KAT7: variants seen among roughly 807,000 people sequenced by gnomAD.
KAT7 encodes the protein histone acetyltransferase KAT7.
KAT7 carries 10 observed loss-of-function variants against 82.1 expected under a neutral mutation model. The observed-to-expected ratio is 0.12, with a 90% confidence interval of 0.08 to 0.21. The LOEUF (loss-of-function observed/expected upper bound fraction) is 0.21. Among genes scored for constraint, KAT7 ranks in the 10% least tolerant of loss-of-function variants. KAT7 has a pLI of 1.00. For missense variants in KAT7, 378 were observed against 760.9 expected (o/e 0.50, Z 5.92); for synonymous variants, 250 against 262.5 (o/e 0.95, Z 0.46).
Position 49,833,947 on chromosome 17 carries a change from A to G in KAT7, c.*6445A>G, listed in dbSNP as rs2074443328. On this transcript the variant is annotated 3_prime_UTR_variant, in exon 15 of 15. Transcript: ENST00000259021. ...AGCCAGATGTGCCTAGAGGAAGGCTACCACCTTGTGCAATTCCAGGGGACA... is the reference window on the plus strand; with the variant it reads ...AGCCAGATGTGCCTAGAGGAAGGCTGCCACCTTGTGCAATTCCAGGGGACA... The G allele has an allele frequency of 6.6e-6, 1 of 152,216 alleles. No homozygotes were observed. The highest frequency in any genetic ancestry group is 2.1e-4 in the South Asian group (1 of 4,834). The allele number at this position is 152,216 out of a possible 1,614,324, so 9.4% of individuals were successfully genotyped here. A position where few individuals can be genotyped will look rare whatever the true frequency, so the allele number is the denominator to read the frequency against.
At chr17:49,816,136 G>C (rs983337972) in intron 8 of KAT7, among the ~76,000 whole-genome samples, 1 of 151,872 alleles carries the variant, frequency 6.6e-6, no homozygotes, top group Admixed American at 6.6e-5. Context: ...TTTCCACCTC[G>C]GCTCCCGGAA....
In KAT7 at chr17:49,817,878, C is replaced by G. The variant is rs2074253201; in HGVS notation, c.1022C>G (p.Ala341Gly). Residue 341 changes from alanine (A) to glycine (G), a missense_variant, in exon 9 of 15, where the codon GCT becomes GGT. Transcript: ENST00000259021. Reference sequence around the variant, plus strand: ...GGAAGCAACATGATTAAAACAATTGCTTTTGGCCGCTATGAGCTTGATACC... The same window carrying G: ...GGAAGCAACATGATTAAAACAATTGGTTTTGGCCGCTATGAGCTTGATACC... ...TEGSNMIKTI[A>G]FGRYELDTWY... is the part of the protein sequence containing the mutation. 6.2e-7 allele frequency: 1 copy of G among 1,613,122 alleles called. No homozygotes were observed. The highest frequency in any genetic ancestry group is 1.3e-5 in the African/African-American group (1 of 74,908).
chr17:49,788,757 A>C lies in KAT7; in HGVS notation c.-78A>C. The C allele has an allele frequency of 6.6e-7, 1 of 1,508,512 alleles. No individual in the cohort carries two copies. Among genetic ancestry groups the C allele is most frequent in the Non-Finnish European group, 9.0e-7 (1 of 1,115,964 alleles). 93.4% of individuals were successfully genotyped at this position (1,508,512 alleles called of 1,614,324 possible). On this transcript the variant is annotated 5_prime_UTR_variant, in exon 1 of 15. Transcript: ENST00000259021. ...GATTGGGACTGATACAGAGGCCGCC[A>C]CGGAGCCCGCCGGAGCCACCGTTCC... is the stretch of plus-strand genomic sequence containing the variant.
At position 49,803,841 on chromosome 17, in the gene KAT7, G is replaced by T. The variant is rs1387587033; in HGVS notation, c.581-1522G>T. ...TTTTAAAGTTTATTCTATAAATTAT[G>T]TTGTGTAAGCTTTAAACTCCACTTT... On this transcript the variant is annotated intron_variant, in intron 4 of 14. Transcript: ENST00000259021. 2.0e-5 allele frequency among the ~76,000 whole-genome samples: 3 copies of T among 150,108 alleles called. No individual in the cohort carries two copies. In the East Asian group the frequency reaches 5.9e-4, roughly 29 times the overall value.
In KAT7 at chr17:49,831,667, A is replaced by AT. The variant is rs891022790; in HGVS notation, c.*4176dup. Reference sequence around the variant, plus strand: ...TGGGGATAATGAGTCATATTAAGTAATTTTTTTTTTTGAGACGGAGTTTCG... The same window carrying AT: ...TGGGGATAATGAGTCATATTAAGTAATTTTTTTTTTTTGAGACGGAGTTTCG... On this transcript the variant is annotated 3_prime_UTR_variant, in exon 15 of 15. Coordinates refer to ENST00000259021, the MANE Select transcript of KAT7 (RefSeq NM_007067.5). The AT allele has an allele frequency of 7.7e-4, 114 of 148,236 alleles. No individual in the cohort carries two copies. Among genetic ancestry groups the AT allele is most frequent in the Middle Eastern group, 3.5e-3 (1 of 288 alleles). 9.2% of individuals were successfully genotyped at this position (148,236 alleles called of 1,614,324 possible).
chr17:49,800,075 G>C (rs775224624), intron 4 of KAT7, among the ~76,000 whole-genome samples: 13 of 141,856 alleles, frequency 9.2e-5, no homozygotes, highest in Non-Finnish European at 1.8e-4. Context: ...GCAGTGGCGC[G>C]ATCTCGGCTC....
intron 11 of KAT7, among the ~76,000 whole-genome samples, chr17:49,822,627 T>C (rs997295333): frequency 1.4e-4 from 22 of 152,246 alleles, no homozygotes; most frequent in Admixed American, 4.6e-4. Flanking sequence ...AATTTAGTGG[T>C]TTATAGTGTA....
intron 4 of KAT7, among the ~76,000 whole-genome samples, chr17:49,804,842 G>A (rs1190261469): frequency 6.6e-6 from 1 of 152,090 alleles, no homozygotes; most frequent in Non-Finnish European, 1.5e-5. Context: ...CAAAAAATAA[G>A]TATTTAATCT....
At position 49,802,501 on chromosome 17, in the gene KAT7, C is replaced by CT. The variant is rs953469804; in HGVS notation, c.581-2861dup. Reference sequence around the variant, plus strand: ...TGGCCAAGATGGTGAAACCCCATCTCTATTAAAAATACAAAATTAGCCAGG... The same window carrying CT: ...TGGCCAAGATGGTGAAACCCCATCTCTTATTAAAAATACAAAATTAGCCAGG... On this transcript the variant is annotated intron_variant, in intron 4 of 14. Coordinates refer to ENST00000259021, the MANE Select transcript of KAT7 (RefSeq NM_007067.5). 8.8e-4 allele frequency among the ~76,000 whole-genome samples: 134 copies of CT among 152,184 alleles called. 1 individual carries two copies. The highest frequency in any genetic ancestry group is 3.0e-3 in the African/African-American group (126 of 41,524).
chr17:49,809,237 T>C, intron 6 of KAT7, 29 bp downstream of exon 6: 1 of 1,570,828 alleles, frequency 6.4e-7, no homozygotes, highest in Non-Finnish European at 8.8e-7. Flanking sequence ...CACTGGCCAT[T>C]CATAGTTTGA....
At chr17:49,798,212 C>A in intron 3 of KAT7, 107 bp from the exon 4 acceptor site, 1 of 1,005,300 alleles carries the variant, frequency 9.9e-7, no homozygotes. Flanking sequence ...CTGAAAGTTA[C>A]TGGTTAAATC....
At position 49,831,602 on chromosome 17, in the gene KAT7, G is replaced by A. The variant is rs1372839995; in HGVS notation, c.*4100G>A. ...TACTTTTGGCATTGTTATGAGGTCT[G>A]GTCACCTGATGCTTCCATGCTATTT... On this transcript the variant is annotated 3_prime_UTR_variant, in exon 15 of 15. Coordinates refer to ENST00000259021, the MANE Select transcript of KAT7 (RefSeq NM_007067.5). The A allele has an allele frequency of 1.3e-5, 2 of 152,058 alleles. No individual in the cohort carries two copies. The highest frequency in any genetic ancestry group is 2.9e-5 in the Non-Finnish European group (2 of 68,028). 9.4% of individuals were successfully genotyped at this position (152,058 alleles called of 1,614,324 possible).
chr17:49,821,247 C>G, intron 9 of KAT7, 90 bp from the exon 10 acceptor site: 1 of 904,780 alleles, frequency 1.1e-6, no homozygotes, highest in Non-Finnish European at 1.7e-6. Flanking sequence ...GCTCAGTTAA[C>G]CACATTTGAC....
In KAT7 at chr17:49,826,795, G is replaced by A; in HGVS notation, c.1730G>A (p.Arg577Lys). 1 of 1,598,316 alleles carries A rather than the reference G, an allele frequency of 6.3e-7. No individual in the cohort carries two copies. Among genetic ancestry groups the A allele is most frequent in the South Asian group, 1.1e-5 (1 of 90,694 alleles). Residue 577 changes from arginine to lysine, a missense_variant, in exon 14 of 15, where the codon AGA becomes AAA. Physicochemically the swap from Arg to Lys is conservative, Grantham distance 26. Around this residue, in one of 6 missense-constraint regions of KAT7, gnomAD observed 44 missense variants for 102.2 expected, o/e 0.43. Transcript: ENST00000259021. ...YWKGKHLVLKRQDLIDEWIAK... is the reference protein window; with the variant it reads ...YWKGKHLVLKKQDLIDEWIAK... The stretch of plus-strand genomic sequence containing the variant: ...AAGGGAAAACACCTAGTTTTAAAGA[G>A]ACAGGTAAGGTTCTCATCAGGGGCT...
At chr17:49,805,249 C>T in intron 4 of KAT7, 114 bp from the exon 5 acceptor site, 2 of 686,798 alleles carry the variant, frequency 2.9e-6, no homozygotes, top group Non-Finnish European at 5.2e-6. Flanking sequence ...TCAGTCTGAT[C>T]AGACATATAT....
At position 49,830,021 on chromosome 17, in the gene KAT7, G is replaced by C. The variant is rs9898183; in HGVS notation, c.*2519G>C. Reference sequence around the variant, plus strand: ...GCCTTCCGAATAGCTGGGATTACAGGTGCCTGTCACCATGCCCAGCTAATT... The same window carrying C: ...GCCTTCCGAATAGCTGGGATTACAGCTGCCTGTCACCATGCCCAGCTAATT... On this transcript the variant is annotated 3_prime_UTR_variant, in exon 15 of 15. Transcript: ENST00000259021. The C allele has an allele frequency of 0.073, 11,124 of 151,698 alleles. 562 individuals are homozygous for C. The highest frequency in any genetic ancestry group is 0.13 in the African/African-American group (5,446 of 41,272). 9.4% of individuals were successfully genotyped at this position (151,698 alleles called of 1,614,324 possible).
At chr17:49,810,209 A>G (rs1244289050) in intron 6 of KAT7, among the ~76,000 whole-genome samples, 1 of 152,204 alleles carries the variant, frequency 6.6e-6, no homozygotes, top group Non-Finnish European at 1.5e-5. Context: ...GCACTCCATA[A>G]GTGGTAACTA....
Position 49,828,750 on chromosome 17 carries a change from G to A in KAT7, c.*1248G>A, listed in dbSNP as rs1040073207. On this transcript the variant is annotated 3_prime_UTR_variant, in exon 15 of 15. Coordinates refer to ENST00000259021, the MANE Select transcript of KAT7 (RefSeq NM_007067.5). ...GCCCATTATAACCTGCTATCTTGGG[G>A]CAACTTTTGATGTATGACATGTCAC... is the stretch of plus-strand genomic sequence containing the variant. 6.5e-5 allele frequency: 10 copies of A among 153,078 alleles called. No homozygotes were observed. The highest frequency in any genetic ancestry group is 2.4e-4 in the African/African-American group (10 of 41,394). 9.5% of individuals were successfully genotyped at this position (153,078 alleles called of 1,614,324 possible). A position where few individuals can be genotyped will look rare whatever the true frequency, so the allele number is the denominator to read the frequency against.
chr17:49,810,310 G>A (rs1165244502), intron 6 of KAT7, among the ~76,000 whole-genome samples: 1 of 152,166 alleles, frequency 6.6e-6, no homozygotes, highest in Admixed American at 6.5e-5. Context: ...CGGCTGGAGT[G>A]CAGTGGTGTG....
Sources: gnomAD v4.1 joint callset for allele counts (sites outside exome capture counted in the v4.1 genomes callset) on GRCh38, gnomAD v4.1.1 for gene constraint, gnomAD v4.1.1 regional missense constraint, MANE v1.5 for transcripts, NCBI Gene and HGNC (gene_info 2026-07-23, HGNC 2026-07-21) for gene names.